The following ANKRD27 variants were observed in gnomAD, a reference collection of about 807,000 sequenced individuals.
ANKRD27 encodes ankyrin repeat domain 27.
A neutral mutation model predicts 129.7 loss-of-function variants in ANKRD27; 112 were observed. The ratio of observed to expected loss-of-function variants is 0.86; its 90% CI spans 0.74 to 1.01. ANKRD27 has a LOEUF of 1.01. Ranked by LOEUF, ANKRD27 falls within the 50% of genes least tolerant of loss-of-function variation. The pLI is 0.00. For missense variants in ANKRD27, 1,258 were observed against 1,300.5 expected, an observed-to-expected ratio of 0.97 and a Z score of 0.50; for synonymous variants, 516 against 511.2, an observed-to-expected ratio of 1.01 and a Z score of -0.13.
At chr19:32,638,987 G>C in intron 12 of ANKRD27, 1 of 367,934 alleles carries the variant, frequency 2.7e-6, no homozygotes, top group Non-Finnish European at 4.8e-6. Flanking sequence ...CAGCCACAGA[G>C]GTTTCCGGCT....
chr19:32,651,335 C>T (rs555619099), intron 2 of ANKRD27, among the ~76,000 whole-genome samples: 2 of 152,062 alleles, frequency 1.3e-5, no homozygotes, highest in African/African-American at 2.4e-5. Flanking sequence ...AAGGAAGGGC[C>T]GTGGCTGGAG....
At chr19:32,634,914 C>CA (rs1052015894) in intron 12 of ANKRD27, among the ~76,000 whole-genome samples, 3 of 150,968 alleles carry the variant, frequency 2.0e-5, no homozygotes, top group East Asian at 1.9e-4. Context: ...GACTCAGTCT[C>CA]AAAAAAAAAG....
intron 9 of ANKRD27, 50 bp from the exon 10 acceptor site, chr19:32,642,195 CT>C: frequency 6.7e-7 from 1 of 1,502,056 alleles, no homozygotes; most frequent in Non-Finnish European, 9.0e-7. Flanking sequence ...TAAGAGAACC[CT>C]CTGGCCTGGA....
intron 1 of ANKRD27, among the ~76,000 whole-genome samples, chr19:32,668,100 A>C (rs766436824): frequency 4.6e-5 from 7 of 152,138 alleles, no homozygotes; most frequent in Non-Finnish European, 7.4e-5. Flanking sequence ...CATTTGGGAG[A>C]GTCCTTGTAC....
At chr19:32,667,093 TATC>T (rs1967773342) in intron 1 of ANKRD27, among the ~76,000 whole-genome samples, 1 of 152,222 alleles carries the variant, frequency 6.6e-6, no homozygotes, top group Non-Finnish European at 1.5e-5. Context: ...CAGTACTGCA[TATC>T]AACATAGCAC....
intron 2 of ANKRD27, among the ~76,000 whole-genome samples, chr19:32,651,047 T>C (rs556277348): frequency 2.0e-5 from 3 of 152,230 alleles, no homozygotes; most frequent in African/African-American, 7.2e-5. Context: ...GCCTGGTCCA[T>C]TGTATTATTC....
chr19:32,615,558 TG>T, intron 22 of ANKRD27, 99 bp downstream of exon 22: 1 of 1,598,150 alleles, frequency 6.3e-7, no homozygotes, highest in Middle Eastern at 1.7e-4. Context: ...CACTCCGGCC[TG>T]GGTGACAGAA....
chr19:32,642,051 G>A lies in ANKRD27; in HGVS notation c.877C>T (p.Leu293Phe). The A allele has an allele frequency of 6.2e-7, 1 of 1,610,210 alleles. No individual in the cohort carries two copies. The highest frequency in any genetic ancestry group is 8.5e-7 in the Non-Finnish European group (1 of 1,177,294). The change falls in exon 10 of 29, where the codon CTC becomes TTC. Residue 293 changes from leucine (L) to phenylalanine (F), a missense_variant. By Grantham distance (22) the Leu-to-Phe change is conservative (BLOSUM62 0). Transcript: ENST00000306065. ...CTCTGGCTTGGAGACTGTGTAATGA[G>A]CTGCACCACTTTTCGCAAGCAGACA... ...KLVCLRKVVQ[L>F]ITQSPSQRVN... is the part of the protein sequence containing the mutation.
At chr19:32,632,492 G>A (rs36178540) in intron 12 of ANKRD27, among the ~76,000 whole-genome samples, 3,620 of 150,868 alleles carry the variant, frequency 0.024, 66 homozygotes, top group East Asian at 0.11. Flanking sequence ...GGCTGAGGCA[G>A]GAGAATCACT....
Position 32,653,469 on chromosome 19 carries a change from G to A in ANKRD27, c.103-3677C>T, listed in dbSNP as rs182556629. On this transcript the variant is annotated intron_variant, in intron 2 of 28. Transcript: ENST00000306065. ...AACTCTGCACTAAAGCCCCAGGGACGCAGACCTGCCCAGCCTGCTCTGAGG... is the reference window on the plus strand; with the variant it reads ...AACTCTGCACTAAAGCCCCAGGGACACAGACCTGCCCAGCCTGCTCTGAGG... 1.2e-3 allele frequency among the ~76,000 whole-genome samples: 186 copies of A among 152,264 alleles called. 1 individual carries two copies. The highest frequency in any genetic ancestry group is 4.3e-3 in the African/African-American group (180 of 41,564).
rs751139190 is a variant in ANKRD27 at position 32,607,612 on chromosome 19, C to A, written c.2373+23G>T. ...GCCCAAAGCAGACACCCTGCTCCAC[C>A]ACCCCCAACACACAGCCCGAACCTG... On this transcript the variant is annotated intron_variant, in intron 23 of 28. Transcript: ENST00000306065. 15 of 1,607,580 alleles carry A rather than the reference C, an allele frequency of 9.3e-6. 2 individuals carry two copies. The highest frequency in any genetic ancestry group is 2.2e-4 in the Middle Eastern group (1 of 4,454).
At chr19:32,636,741 T>TTTATATATATATATATATA in intron 12 of ANKRD27, among the ~76,000 whole-genome samples, 1 of 109,524 alleles carries the variant, frequency 9.1e-6, no homozygotes, top group African/African-American at 2.8e-5. Context: ...ATATATATAT[T>TTTATATATATATATATATA]TTTTATATAT....
chr19:32,657,219 G>A (rs982219708), intron 2 of ANKRD27, among the ~76,000 whole-genome samples: 5 of 151,866 alleles, frequency 3.3e-5, no homozygotes, highest in African/African-American at 7.3e-5. Context: ...ATTCCAGCAC[G>A]CTGGGGGGCC....
intron 1 of ANKRD27, among the ~76,000 whole-genome samples, chr19:32,660,958 G>T (rs1313078164): frequency 6.6e-6 from 1 of 150,690 alleles, no homozygotes; most frequent in South Asian, 2.1e-4. Flanking sequence ...AGCACCTGGG[G>T]AGGATGAGGT....
At chr19:32,617,760 T>A in intron 20 of ANKRD27, 127 bp from the exon 21 acceptor site, 1 of 441,746 alleles carries the variant, frequency 2.3e-6, no homozygotes, top group Non-Finnish European at 4.2e-6. Flanking sequence ...TTAGTTTTTT[T>A]TTTTTTTTTT....
At chr19:32,632,064 G>A (rs1211957790) in intron 12 of ANKRD27, among the ~76,000 whole-genome samples, 2 of 152,158 alleles carry the variant, frequency 1.3e-5, no homozygotes, top group Admixed American at 6.5e-5. Flanking sequence ...TGAGGTGAAC[G>A]GATCACCTGA....
intron 1 of ANKRD27, among the ~76,000 whole-genome samples, chr19:32,670,930 G>T (rs1340367296): frequency 6.6e-6 from 1 of 152,082 alleles, no homozygotes; most frequent in Non-Finnish European, 1.5e-5. Flanking sequence ...AGGTTGCAGT[G>T]AGCCAAGATC....
intron 2 of ANKRD27, among the ~76,000 whole-genome samples, chr19:32,655,937 G>A (rs1293807526): frequency 1.3e-5 from 2 of 151,398 alleles, no homozygotes; most frequent in Non-Finnish European, 1.5e-5. Flanking sequence ...AGAATCGCTT[G>A]AACCCAGGAG....
chr19:32,644,343 CT>C lies in ANKRD27; in HGVS notation c.506del (p.Lys169ArgfsTer7). The C allele has an allele frequency of 6.2e-7, 1 of 1,613,256 alleles. No homozygotes were observed. Among genetic ancestry groups the C allele is most frequent in the Non-Finnish European group, 8.5e-7 (1 of 1,179,864 alleles). Reference sequence around the variant, plus strand: ...TACTGACTATGTGGTGACGGAGGCTCTTTCTCTCGCATTCTCGGAATGTTCG... The same window carrying C: ...TACTGACTATGTGGTGACGGAGGCTCTTCTCTCGCATTCTCGGAATGTTCG... ...FHRTFRECER[K>X]SLRHHIDSAN... On this transcript the variant is annotated frameshift_variant, in exon 5 of 29. Transcript: ENST00000306065. LOFTEE classifies it high-confidence loss of function.
Sources: gnomAD v4.1 joint callset for allele counts (sites outside exome capture counted in the v4.1 genomes callset) on GRCh38, gnomAD v4.1.1 for gene constraint, MANE v1.5 for transcripts, NCBI Gene and HGNC (gene_info 2026-07-23, HGNC 2026-07-21) for gene names.